The following CORO2B variants were observed in gnomAD, a reference collection of about 807,000 sequenced individuals.
CORO2B encodes the protein coronin-2B.
CORO2B carries 26 observed loss-of-function variants against 58.8 expected under a neutral mutation model. The ratio of observed to expected loss-of-function variants is 0.44; its 90% CI spans 0.32 to 0.61. The LOEUF is 0.61. CORO2B is among the 20% of genes least tolerant of loss of function. The pLI, the probability that CORO2B is intolerant of heterozygous loss-of-function variation, is 0.04. For synonymous variants in CORO2B, 242 were observed against 253.8 expected (o/e 0.95, Z 0.44); for missense variants, 460 against 645.1 (o/e 0.71, Z 3.11).
intron 2 of CORO2B, 123 bp from the exon 3 acceptor site, chr15:68,695,017 C>A: frequency 1.4e-6 from 1 of 709,562 alleles, no homozygotes; most frequent in South Asian, 1.7e-5. Flanking sequence ...AAATAAAACA[C>A]AGGTGATTCC....
At chr15:68,535,857 C>T in the CORO2B span, among the ~76,000 whole-genome samples, 1 of 152,090 alleles carries the variant, frequency 6.6e-6, no homozygotes, top group African/African-American at 2.4e-5. Context: ...GAATGTTAGC[C>T]TCTAGGAATG....
intron 3 of CORO2B, among the ~76,000 whole-genome samples, chr15:68,702,654 CTTTTCTCTTCACTG>C (rs1892679469): frequency 1.3e-5 from 2 of 152,072 alleles, no homozygotes; most frequent in South Asian, 4.2e-4. Context: ...ACACCTTCAG[CTTTTCTCTTCACTG>C]CAGGAGACAT....
chr15:68,542,039 T>C, the CORO2B span, among the ~76,000 whole-genome samples: 1 of 152,212 alleles, frequency 6.6e-6, no homozygotes, highest in South Asian at 2.1e-4. Flanking sequence ...AGGGACTGTC[T>C]CATTTGTTTG....
chr15:68,686,554 A>G lies in CORO2B; in HGVS notation c.217-8586A>G, dbSNP rs551936576. On this transcript the variant is annotated intron_variant, in intron 2 of 11. Transcript: ENST00000261861. ...TGTTACCAGAGGACTATAAGGATTT[A>G]ATAAAACCTTATAGGGTTGTTACAA... Among the ~76,000 whole-genome samples the G allele has an allele frequency of 3.9e-5, 6 of 152,332 alleles. No homozygotes were observed. The South Asian group carries it at 1.2e-3, about 32-fold the overall frequency.
intron 3 of CORO2B, among the ~76,000 whole-genome samples, chr15:68,704,176 G>A (rs1892729449): frequency 6.6e-6 from 1 of 151,416 alleles, no homozygotes; most frequent in South Asian, 2.1e-4. Context: ...GGAGGTGGAG[G>A]CTGCAGTGAG....
intron 2 of CORO2B, among the ~76,000 whole-genome samples, chr15:68,668,766 TAAC>T (rs1396420770): frequency 6.6e-6 from 1 of 152,038 alleles, no homozygotes; most frequent in Non-Finnish European, 1.5e-5. Flanking sequence ...AGAAATATGG[TAAC>T]AACACACCCC....
Position 68,725,769 on chromosome 15 carries a change from A to G in CORO2B, c.1312-74A>G, listed in dbSNP as rs1472132067. 1.6e-5 allele frequency: 25 copies of G among 1,581,556 alleles called. No individual in the cohort carries two copies. The Admixed American group carries it at 3.9e-4, about 25-fold the overall frequency. On this transcript the variant is annotated intron_variant, in intron 11 of 11. Coordinates refer to ENST00000261861, the MANE Select transcript of CORO2B (RefSeq NM_006091.5). ...GGGCACGGGCGGCAGGCAGCTGGAG[A>G]CTCACCTGGGAAATCCTTGTCTCAC...
chr15:68,566,600 G>T, the CORO2B span, among the ~76,000 whole-genome samples: 6 of 152,100 alleles, frequency 3.9e-5, no homozygotes, highest in African/African-American at 1.2e-4. Flanking sequence ...CTGGGCTGTT[G>T]CCTGTCCCCA....
intron 3 of CORO2B, among the ~76,000 whole-genome samples, chr15:68,704,299 G>T (rs146455643): frequency 9.4e-4 from 143 of 151,696 alleles, no homozygotes; most frequent in African/African-American, 3.3e-3. Flanking sequence ...ATAAAACTTG[G>T]GTATGATCCC....
intron 1 of CORO2B, among the ~76,000 whole-genome samples, chr15:68,630,537 G>A (rs1193090394): frequency 6.6e-6 from 1 of 152,090 alleles, no homozygotes; most frequent in Admixed American, 6.6e-5. Context: ...AGACCTCATG[G>A]GGACAGGTCA....
At chr15:68,642,742 G>C (rs1434976945) in intron 1 of CORO2B, among the ~76,000 whole-genome samples, 3 of 152,248 alleles carry the variant, frequency 2.0e-5, no homozygotes, top group African/African-American at 7.2e-5. Flanking sequence ...AGCCCAGGGA[G>C]AGGCGCCGGC....
chr15:68,585,406 C>T (rs1461466735), intron 1 of CORO2B, among the ~76,000 whole-genome samples: 1 of 152,196 alleles, frequency 6.6e-6, no homozygotes, highest in Admixed American at 6.5e-5. Flanking sequence ...AGGCGTTGGG[C>T]ACGCATGATC....
Position 68,715,169 on chromosome 15 carries a change from C to G in CORO2B, c.871-46C>G, listed in dbSNP as rs888490752. On this transcript the variant is annotated intron_variant, in intron 7 of 11. Transcript: ENST00000261861. ...CTCCTGGGACCAGGCCCTGCTCTGC[C>G]CTCCCTACCTGCCACCTTCCTCAAC... 31 of 1,547,238 alleles carry G rather than the reference C, an allele frequency of 2.0e-5. No homozygotes were observed. In the Middle Eastern group the frequency reaches 6.8e-4, roughly 34 times the overall value.
At chr15:68,692,467 C>A (rs1892402575) in intron 2 of CORO2B, among the ~76,000 whole-genome samples, 1 of 151,680 alleles carries the variant, frequency 6.6e-6, no homozygotes, top group Admixed American at 6.6e-5. Flanking sequence ...CACGTGTAGT[C>A]CCAGCTACTC....
chr15:68,605,967 G>T (rs560551023), intron 1 of CORO2B, among the ~76,000 whole-genome samples: 7 of 151,900 alleles, frequency 4.6e-5, no homozygotes, highest in African/African-American at 1.7e-4. Flanking sequence ...CTTGTGATTC[G>T]CCCACCTTGA....
chr15:68,531,525 A>AAGGG, the CORO2B span, among the ~76,000 whole-genome samples: 1 of 131,448 alleles, frequency 7.6e-6, no homozygotes, highest in Non-Finnish European at 1.7e-5. Flanking sequence ...GGAAGGAAGG[A>AAGGG]AGGAAGGAAG....
intron 1 of CORO2B, among the ~76,000 whole-genome samples, chr15:68,620,229 T>C (rs1304099564): frequency 6.6e-6 from 1 of 152,180 alleles, no homozygotes; most frequent in Non-Finnish European, 1.5e-5. Context: ...CGTATATTTA[T>C]TTAATGTGTT....
chr15:68,583,210 A>C (rs750363748), intron 1 of CORO2B, among the ~76,000 whole-genome samples: 1 of 152,194 alleles, frequency 6.6e-6, no homozygotes, highest in Non-Finnish European at 1.5e-5. Context: ...AGGTAATAGC[A>C]GGCCTGCATT....
At chr15:68,619,690 T>TGG in intron 1 of CORO2B, among the ~76,000 whole-genome samples, 1 of 152,164 alleles carries the variant, frequency 6.6e-6, no homozygotes, top group South Asian at 2.1e-4. Flanking sequence ...TATATATATA[T>TGG]GTACACATAC....
Sources: allele counts gnomAD v4.1 joint callset (sites outside exome capture counted in the v4.1 genomes callset), GRCh38; gene constraint gnomAD v4.1.1; transcripts MANE v1.5; gene names NCBI Gene and HGNC (gene_info 2026-07-23, HGNC 2026-07-21).